Variants in ERBB4 observed in about 807,000 individuals in gnomAD.
ERBB4 encodes receptor tyrosine-protein kinase erbB-4.
Under a neutral mutation model 158.0 loss-of-function variants are expected in ERBB4, and 42 were observed. The ratio of observed to expected loss-of-function variants is 0.27; its 90% confidence interval spans 0.21 to 0.34. ERBB4 has a LOEUF of 0.34. Among genes scored for constraint, ERBB4 ranks in the 10% least tolerant of loss-of-function variants. ERBB4 has a pLI of 1.00. For missense variants in ERBB4, 1,333 were observed against 1,624.1 expected, an observed-to-expected ratio of 0.82 and a Z score of 3.08; for synonymous variants, 583 against 558.7, an observed-to-expected ratio of 1.04 and a Z score of -0.61.
intron 2 of ERBB4, among the ~76,000 whole-genome samples, chr2:212,039,058 C>T (rs1473532702): frequency 6.6e-6 from 1 of 151,944 alleles, no homozygotes; most frequent in African/African-American, 2.4e-5. Context: ...TTCTATCTCC[C>T]AATGAAATAA....
At chr2:212,341,650 A>G (rs2088719605) in intron 1 of ERBB4, among the ~76,000 whole-genome samples, 1 of 152,312 alleles carries the variant, frequency 6.6e-6, no homozygotes, top group South Asian at 2.1e-4. Context: ...AGCCTAATAT[A>G]TGTCCCATAA....
chr2:211,627,570 A>C (rs145012214), intron 17 of ERBB4, among the ~76,000 whole-genome samples: 25 of 152,374 alleles, frequency 1.6e-4, no homozygotes, highest in Non-Finnish European at 2.9e-4. Flanking sequence ...AAAAGAGCTA[A>C]AATTTAATTC....
chr2:212,053,101 T>G (rs1258592702), intron 2 of ERBB4, among the ~76,000 whole-genome samples: 2 of 152,122 alleles, frequency 1.3e-5, no homozygotes, highest in African/African-American at 2.4e-5. Flanking sequence ...GAGGATCTCT[T>G]GAGCCCAAGA....
chr2:212,017,749 C>A (rs1044686085), intron 2 of ERBB4, among the ~76,000 whole-genome samples: 1 of 152,030 alleles, frequency 6.6e-6, no homozygotes, highest in African/African-American at 2.4e-5. Flanking sequence ...CCACTCTGGC[C>A]TACAGTGGAT....
chr2:212,102,090 T>TATATATATA (rs1553558603), intron 2 of ERBB4, among the ~76,000 whole-genome samples: 1,142 of 107,956 alleles, frequency 0.011, 52 homozygotes, highest in African/African-American at 0.03. Flanking sequence ...AAAATTTATT[T>TATATATATA]TATATATATA....
intron 3 of ERBB4, among the ~76,000 whole-genome samples, chr2:211,808,462 C>T (rs932231047): frequency 2.0e-5 from 3 of 151,956 alleles, no homozygotes; most frequent in African/African-American, 4.8e-5. Flanking sequence ...ATTTCTGAGG[C>T]CTCTGTTCTG....
chr2:211,929,648 A>G (rs1381720755), intron 3 of ERBB4, among the ~76,000 whole-genome samples: 1 of 152,210 alleles, frequency 6.6e-6, no homozygotes, highest in Non-Finnish European at 1.5e-5. Flanking sequence ...AATTAATTTT[A>G]TATAAAAATA....
intron 1 of ERBB4, among the ~76,000 whole-genome samples, chr2:212,408,222 T>A (rs2091403320): frequency 6.6e-6 from 1 of 152,004 alleles, no homozygotes; most frequent in South Asian, 2.1e-4. Flanking sequence ...TTAGCTCTTT[T>A]CTCTAATGCT....
At chr2:212,349,549 T>C (rs527272140) in intron 1 of ERBB4, among the ~76,000 whole-genome samples, 1 of 152,290 alleles carries the variant, frequency 6.6e-6, no homozygotes, top group East Asian at 1.9e-4. Context: ...GGGTTAGCAC[T>C]TATTGATATT....
At chr2:211,689,859 A>C (rs2072727755) in intron 12 of ERBB4, among the ~76,000 whole-genome samples, 1 of 151,930 alleles carries the variant, frequency 6.6e-6, no homozygotes, top group African/African-American at 2.4e-5. Context: ...TATTATGAGA[A>C]CAACTTGTAA....
intron 3 of ERBB4, among the ~76,000 whole-genome samples, chr2:211,823,109 G>C (rs2077028974): frequency 6.6e-6 from 1 of 151,888 alleles, no homozygotes; most frequent in Non-Finnish European, 1.5e-5. Flanking sequence ...AGCTTTTCCA[G>C]TCAAGCCCTG....
chr2:211,813,196 G>A (rs1183060085), intron 3 of ERBB4, among the ~76,000 whole-genome samples: 1 of 152,158 alleles, frequency 6.6e-6, no homozygotes, highest in East Asian at 1.9e-4. Context: ...CAAGATTGTT[G>A]ATTTTAACTA....
intron 1 of ERBB4, among the ~76,000 whole-genome samples, chr2:212,526,303 T>G (rs905486170): frequency 6.6e-6 from 1 of 152,050 alleles, no homozygotes; most frequent in Non-Finnish European, 1.5e-5. Context: ...GTGCTAATTC[T>G]GGCCACAAGC....
intron 2 of ERBB4, among the ~76,000 whole-genome samples, chr2:211,980,191 C>T (rs992742599): frequency 6.6e-6 from 1 of 152,096 alleles, no homozygotes; most frequent in Admixed American, 6.6e-5. Flanking sequence ...ATATGACTAA[C>T]TTGTATGCTG....
chr2:212,138,325 T>C (rs1465308437), intron 1 of ERBB4, among the ~76,000 whole-genome samples: 1 of 152,208 alleles, frequency 6.6e-6, no homozygotes, highest in Non-Finnish European at 1.5e-5. Context: ...ATGTTACCGA[T>C]CTACTCAGCA....
At chr2:212,105,811 A>C (rs559437019) in intron 2 of ERBB4, among the ~76,000 whole-genome samples, 28 of 152,268 alleles carry the variant, frequency 1.8e-4, no homozygotes, top group African/African-American at 6.5e-4. Flanking sequence ...TAATTTAAAC[A>C]TGGTGGAGGG....
chr2:212,266,490 A>AT (rs1438248447), intron 1 of ERBB4, among the ~76,000 whole-genome samples: 1 of 151,824 alleles, frequency 6.6e-6, no homozygotes, highest in Non-Finnish European at 1.5e-5. Context: ...GAGGCTTTCG[A>AT]TTTTTTTAAA....
chr2:212,106,505 G>C (rs1014626942), intron 2 of ERBB4, among the ~76,000 whole-genome samples: 4 of 152,226 alleles, frequency 2.6e-5, no homozygotes, highest in East Asian at 1.9e-4. Flanking sequence ...AAGGGAAATA[G>C]AGCATAAAAG....
At chr2:212,421,760 G>C (rs1026028708) in intron 1 of ERBB4, among the ~76,000 whole-genome samples, 4 of 152,166 alleles carry the variant, frequency 2.6e-5, no homozygotes, top group African/African-American at 9.7e-5. Context: ...TTCTCTGTTT[G>C]AAAACACAGA....
Sources: gnomAD v4.1 joint callset for allele counts (sites outside exome capture counted in the v4.1 genomes callset) on GRCh38, gnomAD v4.1.1 for gene constraint, MANE v1.5 for transcripts, NCBI Gene and HGNC (gene_info 2026-07-23, HGNC 2026-07-21) for gene names.